IQSEC2: variants seen among roughly 807,000 people sequenced by gnomAD.
IQSEC2 encodes IQ motif and SEC7 domain-containing protein 2.
A neutral mutation model predicts 74.6 loss-of-function variants in IQSEC2; 6 were observed. That is an observed-to-expected ratio of 0.08 (90% CI 0.04 to 0.16). The LOEUF is 0.16. Among genes scored for constraint, IQSEC2 ranks in the 10% least tolerant of loss-of-function variants. The probability of loss-of-function intolerance (pLI) is 1.00; values close to 1 mark genes in which losing one functional copy is unlikely to be tolerated. For synonymous variants in IQSEC2, 494 were observed against 544.5 expected, an observed-to-expected ratio of 0.91 and a Z score of 1.29; for missense variants, 734 against 1,306.2, an observed-to-expected ratio of 0.56 and a Z score of 6.75.
At chrX:53,310,539 C>G (rs1318360742) in intron 1 of IQSEC2, among the ~76,000 whole-genome samples, 10 of 111,604 alleles carry the variant, frequency 9.0e-5, no homozygotes, top group Admixed American at 4.7e-4. Flanking sequence ...AGATTCAAAT[C>G]CAGGTCTGTC....
chrX:53,315,668 G>T (rs781922609), intron 1 of IQSEC2, among the ~76,000 whole-genome samples: 1 of 112,215 alleles, frequency 8.9e-6, no homozygotes, highest in Non-Finnish European at 1.9e-5. Flanking sequence ...CATGGAAAGC[G>T]CTTAGAACAA....
downstream of IQSEC2, chrX:53,228,969 AT>A (rs1301542343): frequency 8.9e-6 from 1 of 112,922 alleles, no homozygotes; most frequent in African/African-American, 3.2e-5. Flanking sequence ...ACTGGTTAAA[AT>A]AAAAATCCAT....
Position 53,250,394 on chromosome X carries a change from C to T in IQSEC2, c.2182G>A (p.Gly728Ser), listed in dbSNP as rs782051149. The T allele has an allele frequency of 8.3e-6, 10 of 1,210,234 alleles. No individual in the cohort carries two copies. Among genetic ancestry groups the T allele is most frequent in the Non-Finnish European group, 8.9e-6 (8 of 894,965 alleles). ...RDSLREPPAT[G>S]LCKQTYQRET... ...CGCTGGTAAGTCTGCTTGCACAGGCCGGTAGCCGGAGGCTCCCTTAGACTG... is the reference window on the plus strand; with the variant it reads ...CGCTGGTAAGTCTGCTTGCACAGGCTGGTAGCCGGAGGCTCCCTTAGACTG... Residue 728 changes from glycine (G) to serine (S), a missense_variant, in exon 5 of 15, where the codon GGC becomes AGC. Physicochemically the swap from Gly to Ser is moderately conservative, Grantham distance 56. This residue lies in a region of IQSEC2 where 204 missense variants were observed against 305.4 expected (regional missense o/e 0.67). Transcript: ENST00000642864.
chrX:53,252,033 C>T (rs191780621), intron 4 of IQSEC2, among the ~76,000 whole-genome samples: 1 of 112,567 alleles, frequency 8.9e-6, no homozygotes, highest in Non-Finnish European at 1.9e-5. Flanking sequence ...ACACTCCAGC[C>T]TGGCAACAGA....
At chrX:53,274,766 T>C (rs1556869195) in intron 2 of IQSEC2, among the ~76,000 whole-genome samples, 1 of 111,402 alleles carries the variant, frequency 9.0e-6, no homozygotes, top group Non-Finnish European at 1.9e-5. Context: ...CGGCCTGCTT[T>C]AGCTGCATTT....
intron 1 of IQSEC2, among the ~76,000 whole-genome samples, chrX:53,308,525 T>A (rs782474219): frequency 3.6e-5 from 4 of 111,245 alleles, no homozygotes; most frequent in African/African-American, 1.3e-4. Flanking sequence ...TTATAATCAA[T>A]CTCTCTAGAT....
At chrX:53,291,670 T>C (rs2075101416) in intron 2 of IQSEC2, among the ~76,000 whole-genome samples, 2 of 111,070 alleles carry the variant, frequency 1.8e-5, no homozygotes, top group African/African-American at 6.6e-5. Flanking sequence ...CCAAGTCAAC[T>C]AGTGTCAGAA....
rs1407117835 is a variant in IQSEC2 at position 53,238,258 on chromosome X, C to T, written c.3164G>A (p.Arg1055Gln). The T allele has an allele frequency of 8.3e-7, 1 of 1,211,139 alleles. No homozygotes were observed. Among genetic ancestry groups the T allele is most frequent in the Non-Finnish European group, 1.1e-6 (1 of 895,161 alleles). The part of the protein sequence containing the change: ...KLLSAVPGGE[R>Q]KVLIIFNAPS... ...GGCATTGAAGATGATGAGGACTTTT[C>T]GCTCCCCACCAGGTACTGCAGACAG... Residue 1055 changes from arginine to glutamine, a missense_variant, in exon 12 of 15, where the codon CGA becomes CAA. Arg to Gln is a conservative substitution (Grantham distance 43). This residue lies in a region of IQSEC2 where 249 missense variants were observed against 467.9 expected (regional missense o/e 0.53). Transcript: ENST00000642864.
intron 2 of IQSEC2, among the ~76,000 whole-genome samples, chrX:53,270,432 C>T (rs1240137992): frequency 2.7e-5 from 3 of 110,717 alleles, no homozygotes; most frequent in Non-Finnish European, 3.8e-5. Flanking sequence ...TTTACACCTG[C>T]GGTTCCTTCT....
intron 1 of IQSEC2, among the ~76,000 whole-genome samples, chrX:53,319,929 G>A (rs1331267104): frequency 1.9e-5 from 2 of 103,964 alleles, no homozygotes; most frequent in Non-Finnish European, 3.9e-5. Context: ...GTCCCCACCT[G>A]CCTCTTTGGT....
chrX:53,251,545 T>C (rs1458179011), intron 4 of IQSEC2, among the ~76,000 whole-genome samples: 4 of 111,935 alleles, frequency 3.6e-5, no homozygotes, highest in African/African-American at 1.3e-4. Context: ...CAGTTTCCTC[T>C]GTGGGAATTC....
intron 1 of IQSEC2, among the ~76,000 whole-genome samples, chrX:53,307,188 C>A (rs1255827031): frequency 9.1e-6 from 1 of 109,878 alleles, no homozygotes; most frequent in Non-Finnish European, 1.9e-5. Context: ...TCCCTGCCAG[C>A]TCGCCAAAAT....
At chrX:53,232,497 C>G (rs2074069552), downstream of IQSEC2, among the ~76,000 whole-genome samples, 1 of 111,425 alleles carries the variant, frequency 9.0e-6, no homozygotes, top group Admixed American at 9.5e-5. Flanking sequence ...TCAGCTCTGT[C>G]CTGGCTCCTT....
chrX:53,287,935 T>C (rs782349703), intron 2 of IQSEC2, among the ~76,000 whole-genome samples: 11 of 112,218 alleles, frequency 9.8e-5, no homozygotes, highest in Non-Finnish European at 2.1e-4. Context: ...CTGACTCCTC[T>C]AGACTTCTGT....
rs1556859294 is a variant in IQSEC2, at chrX:53,235,068, G to A, written c.3618C>T (p.Gly1206=). The A allele has an allele frequency of 1.6e-5, 18 of 1,139,734 alleles. No homozygotes were observed. Among genetic ancestry groups the A allele is most frequent in the Non-Finnish European group, 4.7e-6 (4 of 859,440 alleles). The allele number at this position is 1,139,734 out of a possible 1,213,427, so 93.9% of individuals were successfully genotyped here. A position where few individuals can be genotyped will look rare whatever the true frequency, so the allele number is the denominator to read the frequency against. ...RPVSNSSSFL[G]SLFGSKRGKG... ...TGCCCCGCTTGCTTCCAAATAGGGA[G>A]CCCAGGAAGGATGAGGAGTTGGAGA... The change falls in exon 15 of 15, where the codon GGC becomes GGT. Residue 1206 remains glycine (G), a synonymous_variant. Transcript: ENST00000642864.
At chrX:53,282,918 C>T (rs1046219146) in intron 2 of IQSEC2, among the ~76,000 whole-genome samples, 5 of 111,681 alleles carry the variant, frequency 4.5e-5, no homozygotes, top group African/African-American at 9.8e-5. Context: ...AGTGCTGGGC[C>T]GGGTGCAGTG....
At chrX:53,294,468 G>A (rs1556873785) in intron 1 of IQSEC2, among the ~76,000 whole-genome samples, 1 of 112,112 alleles carries the variant, frequency 8.9e-6, no homozygotes, top group Non-Finnish European at 1.9e-5. Flanking sequence ...CATGAAGCTG[G>A]GCCACCATTC....
intron 2 of IQSEC2, among the ~76,000 whole-genome samples, chrX:53,273,856 G>A (rs1406936371): frequency 8.9e-6 from 1 of 112,019 alleles, no homozygotes; most frequent in Non-Finnish European, 1.9e-5. Flanking sequence ...TAGACATTTA[G>A]GTTGTTTTAA....
At chrX:53,314,504 A>G (rs2075349487) in intron 1 of IQSEC2, among the ~76,000 whole-genome samples, 1 of 111,756 alleles carries the variant, frequency 8.9e-6, no homozygotes, top group Admixed American at 9.5e-5. Flanking sequence ...AACATCAGAG[A>G]CACCAGCAAA....
Sources: gnomAD v4.1 joint callset for allele counts (sites outside exome capture counted in the v4.1 genomes callset) on GRCh38, gnomAD v4.1.1 for gene constraint, gnomAD v4.1.1 regional missense constraint, MANE v1.5 for transcripts, NCBI Gene and HGNC (gene_info 2026-07-23, HGNC 2026-07-21) for gene names.